Variants in TCEANC2 observed in about 807,000 individuals in gnomAD.
TCEANC2 encodes the protein transcription elongation factor A N-terminal and central domain containing 2, also known as transcription elongation factor A N-terminal and central domain-containing protein 2.
In TCEANC2, 20 loss-of-function variants were observed where a neutral mutation model predicts 22.8. The observed-to-expected ratio is 0.88, with a 90% CI of 0.62 to 1.28. TCEANC2 has a LOEUF of 1.28. Ranked by LOEUF, TCEANC2 falls within the 50% of genes most tolerant of loss-of-function variation. The pLI, the probability that TCEANC2 is intolerant of heterozygous loss-of-function variation, is 0.00. For synonymous variants in TCEANC2, 84 were observed against 95.5 expected (o/e 0.88, Z 0.70); for missense variants, 251 against 249.7 (o/e 1.01, Z -0.03).
intron 3 of TCEANC2, among the ~76,000 whole-genome samples, chr1:54,072,688 C>T (rs932932298): frequency 9.2e-5 from 14 of 152,226 alleles, no homozygotes; most frequent in Non-Finnish European, 8.8e-5. Context: ...AGCCATCGGC[C>T]TTGGCCTCCC....
chr1:54,053,622 C>T lies in TCEANC2; in HGVS notation c.-179C>T, dbSNP rs41294780. On this transcript the variant is annotated 5_prime_UTR_variant, in exon 1 of 5. Transcript: ENST00000234827. The stretch of plus-strand genomic sequence containing the variant: ...CGCTGTGGCCCAGAGGCGCGAGGGC[C>T]GGCGGAGTTTCTTCAGAGGAACTAC... 10,672 of 163,902 alleles carry T rather than the reference C, an allele frequency of 0.065. 775 individuals carry two copies. Among genetic ancestry groups the T allele is most frequent in the African/African-American group, 0.18 (7,721 of 41,834 alleles). The allele number at this position is 163,902 out of a possible 1,614,324, so 10.2% of individuals were successfully genotyped here.
At chr1:54,078,535 A>G (rs1451851432) in intron 3 of TCEANC2, among the ~76,000 whole-genome samples, 1 of 152,134 alleles carries the variant, frequency 6.6e-6, no homozygotes, top group East Asian at 1.9e-4. Context: ...GTATACCTCA[A>G]ATGGGAATTT....
At chr1:54,068,987 T>C in intron 3 of TCEANC2, 90 bp downstream of exon 3, 1 of 1,309,316 alleles carries the variant, frequency 7.6e-7, no homozygotes, top group South Asian at 2.3e-5. Flanking sequence ...CATGAAGTTA[T>C]CTGCCTTATC....
At chr1:54,070,240 C>G (rs1570001680) in intron 3 of TCEANC2, among the ~76,000 whole-genome samples, 1 of 152,130 alleles carries the variant, frequency 6.6e-6, no homozygotes, top group African/African-American at 2.4e-5. Flanking sequence ...AGGTTATAAT[C>G]ACTAGGGGGC....
intron 3 of TCEANC2, among the ~76,000 whole-genome samples, chr1:54,076,919 G>A (rs1263846228): frequency 1.3e-5 from 2 of 152,164 alleles, no homozygotes; most frequent in Non-Finnish European, 2.9e-5. Context: ...AAAAAGTCAA[G>A]CAAGTTAAGG....
At chr1:54,080,266 C>T (rs1359307082) in intron 3 of TCEANC2, among the ~76,000 whole-genome samples, 1 of 151,886 alleles carries the variant, frequency 6.6e-6, no homozygotes, top group Non-Finnish European at 1.5e-5. Context: ...GCCTCAGCCT[C>T]CCGATTAGCT....
chr1:54,091,860 A>G (rs1207808978), intron 4 of TCEANC2, among the ~76,000 whole-genome samples: 1 of 151,844 alleles, frequency 6.6e-6, no homozygotes, highest in East Asian at 1.9e-4. Flanking sequence ...GCCTGTGATC[A>G]TTTTCCTATT....
chr1:54,099,743 CAAA>C lies in TCEANC2; in HGVS notation c.*3285_*3287del, dbSNP rs36005233. 23 of 108,200 alleles carry C rather than the reference CAAA, an allele frequency of 2.1e-4. No homozygotes were observed. Among genetic ancestry groups the C allele is most frequent in the Admixed American group, 2.7e-4 (3 of 11,096 alleles). 6.7% of individuals were successfully genotyped at this position (108,200 alleles called of 1,614,324 possible). A position where few individuals can be genotyped will look rare whatever the true frequency, so the allele number is the denominator to read the frequency against. On this transcript the variant is annotated 3_prime_UTR_variant, in exon 5 of 5. Transcript: ENST00000234827. Reference sequence around the variant, plus strand: ...TGGGCAACAGAGTGAGACTCTGTCTCAAAAAAAAAAAAAAAAAGAGAAAAAGAA... The same window carrying C: ...TGGGCAACAGAGTGAGACTCTGTCTCAAAAAAAAAAAAAAGAGAAAAAGAA...
At position 54,096,725 on chromosome 1, in the gene TCEANC2, G is replaced by A; in HGVS notation, c.*252G>A. On this transcript the variant is annotated 3_prime_UTR_variant, in exon 5 of 5. Transcript: ENST00000234827. This position sits in a 1 kb window ranked among gnomAD's most constrained non-coding sequence, Gnocchi z 4.9. ...GGCTGTCACTAGGAAGCGCCATACG[G>A]TTGCTATCACCCAACATGGTGAAAG... is the stretch of plus-strand genomic sequence containing the variant. 1 of 1,199,306 alleles carries A rather than the reference G, an allele frequency of 8.3e-7. No individual in the cohort carries two copies. The highest frequency in any genetic ancestry group is 1.0e-6 in the Non-Finnish European group (1 of 956,466). 74.3% of individuals were successfully genotyped at this position (1,199,306 alleles called of 1,614,324 possible).
At chr1:54,068,675 G>A in intron 2 of TCEANC2, 81 bp from the exon 3 acceptor site, 5 of 1,393,304 alleles carry the variant, frequency 3.6e-6, no homozygotes, top group Non-Finnish European at 4.8e-6. Context: ...TATGTCAATA[G>A]GAGCCCCATT....
chr1:54,068,438 A>C (rs1381672435), intron 2 of TCEANC2, among the ~76,000 whole-genome samples: 1 of 152,178 alleles, frequency 6.6e-6, no homozygotes, highest in Non-Finnish European at 1.5e-5. Flanking sequence ...TAAGTGAGCT[A>C]TAGAGTTGAT....
intron 2 of TCEANC2, among the ~76,000 whole-genome samples, chr1:54,063,989 A>G (rs902418133): frequency 6.6e-6 from 1 of 152,238 alleles, no homozygotes; most frequent in Admixed American, 6.5e-5. Context: ...AAAAATTAAT[A>G]TAAAAACTGG....
Position 54,100,603 on chromosome 1 carries a change from G to C in TCEANC2, c.*4130G>C, listed in dbSNP as rs1658646964. The C allele has an allele frequency of 6.6e-6, 1 of 152,256 alleles. No homozygotes were observed. Among genetic ancestry groups the C allele is most frequent in the Admixed American group, 6.5e-5 (1 of 15,282 alleles). 9.4% of individuals were successfully genotyped at this position (152,256 alleles called of 1,614,324 possible). ...CCAGAAGGATAGGTAGGAGTTCTTA[G>C]CAGAGGGCTCAGTCTATGTGAAAGC... On this transcript the variant is annotated 3_prime_UTR_variant, in exon 5 of 5. Coordinates refer to ENST00000234827, the MANE Select transcript of TCEANC2 (RefSeq NM_153035.3).
intron 2 of TCEANC2, among the ~76,000 whole-genome samples, chr1:54,055,068 C>A (rs977173891): frequency 1.3e-5 from 2 of 152,206 alleles, no homozygotes; most frequent in Non-Finnish European, 2.9e-5. Flanking sequence ...ACCTCCACCT[C>A]CCGGCTTCAT....
intron 3 of TCEANC2, among the ~76,000 whole-genome samples, chr1:54,076,729 G>A (rs1364837487): frequency 6.6e-6 from 1 of 152,144 alleles, no homozygotes; most frequent in Non-Finnish European, 1.5e-5. Context: ...AGATCAGATA[G>A]GAGGTCATTC....
chr1:54,054,122 C>G (rs1657688459), intron 1 of TCEANC2: 2 of 647,142 alleles, frequency 3.1e-6, no homozygotes, highest in African/African-American at 1.9e-5. Flanking sequence ...GCCAATTCCC[C>G]CAATGTTGGA....
At chr1:54,063,568 A>G (rs1316748230) in intron 2 of TCEANC2, among the ~76,000 whole-genome samples, 1 of 152,224 alleles carries the variant, frequency 6.6e-6, no homozygotes, top group Non-Finnish European at 1.5e-5. Context: ...TGAAATCAGA[A>G]TGTCACAAAA....
At chr1:54,071,300 C>T (rs1447424072) in intron 3 of TCEANC2, among the ~76,000 whole-genome samples, 3 of 152,144 alleles carry the variant, frequency 2.0e-5, no homozygotes, top group African/African-American at 4.8e-5. Flanking sequence ...CCAGGAGCAG[C>T]TTATCTGGGT....
At chr1:54,081,439 G>T (rs917837912) in intron 3 of TCEANC2, among the ~76,000 whole-genome samples, 3 of 151,994 alleles carry the variant, frequency 2.0e-5, no homozygotes, top group African/African-American at 4.8e-5. Context: ...TAGAGATAGG[G>T]TCTCACTATG....
Sources: gnomAD v4.1 joint callset for allele counts (sites outside exome capture counted in the v4.1 genomes callset) on GRCh38, gnomAD v4.1.1 for gene constraint, Gnocchi (gnomAD v3.1) non-coding constraint, MANE v1.5 for transcripts, NCBI Gene and HGNC (gene_info 2026-07-23, HGNC 2026-07-21) for gene names.